OSBPL1A: variants seen among roughly 807,000 people sequenced by gnomAD.
The protein encoded by OSBPL1A is oxysterol-binding protein-related protein 1.
Under a neutral mutation model 137.1 loss-of-function variants are expected in OSBPL1A, and 80 were observed. The ratio of observed to expected loss-of-function variants is 0.58; its 90% CI spans 0.49 to 0.70. The LOEUF (loss-of-function observed/expected upper bound fraction) is 0.70. OSBPL1A is among the 30% of genes least tolerant of loss of function. OSBPL1A has a pLI of 0.00. For synonymous variants in OSBPL1A, 365 were observed against 389.7 expected (o/e 0.94, Z 0.75); for missense variants, 970 against 1,129.4 (o/e 0.86, Z 2.02).
At chr18:24,388,437 G>T (rs1276021362) in intron 1 of OSBPL1A, among the ~76,000 whole-genome samples, 1 of 151,878 alleles carries the variant, frequency 6.6e-6, no homozygotes, top group African/African-American at 2.4e-5. Context: ...CCTTACAAAA[G>T]GTACATCTAG....
chr18:24,215,675 A>T (rs1177233169), intron 17 of OSBPL1A, among the ~76,000 whole-genome samples: 1 of 152,208 alleles, frequency 6.6e-6, no homozygotes, highest in African/African-American at 2.4e-5. Flanking sequence ...ACAGCTCCAA[A>T]GGAAAACAGA....
intron 17 of OSBPL1A, among the ~76,000 whole-genome samples, chr18:24,217,928 A>ATTCC (rs1321899301): frequency 2.0e-5 from 3 of 151,860 alleles, no homozygotes; most frequent in African/African-American, 7.3e-5. Flanking sequence ...AACATGTGGA[A>ATTCC]TGATACCCCA....
chr18:24,260,660 CAG>C (rs2089422519), intron 15 of OSBPL1A, among the ~76,000 whole-genome samples: 1 of 151,970 alleles, frequency 6.6e-6, no homozygotes, highest in Non-Finnish European at 1.5e-5. Flanking sequence ...ACCAGAGAGA[CAG>C]GGAGTATTTA....
intron 21 of OSBPL1A, among the ~76,000 whole-genome samples, chr18:24,175,110 A>ATATATATATATATATG (rs2086398896): frequency 6.8e-5 from 1 of 14,802 alleles, no homozygotes; most frequent in African/African-American, 9.6e-5. Context: ...ATGTGTATGT[A>ATATATATATATATATG]TATATATATA....
intron 6 of OSBPL1A, among the ~76,000 whole-genome samples, chr18:24,333,890 T>A (rs2091127456): frequency 6.6e-6 from 1 of 152,200 alleles, no homozygotes. Context: ...TAGGGTCCTA[T>A]TTATTATGTT....
chr18:24,294,858 T>C (rs1285261518), intron 14 of OSBPL1A, among the ~76,000 whole-genome samples: 1 of 152,224 alleles, frequency 6.6e-6, no homozygotes, highest in East Asian at 1.9e-4. Context: ...CAATTGTGAA[T>C]TGTGCTGCTG....
At chr18:24,171,992 G>C (rs992218607) in intron 22 of OSBPL1A, among the ~76,000 whole-genome samples, 8 of 148,000 alleles carry the variant, frequency 5.4e-5, no homozygotes, top group African/African-American at 2.0e-4. Flanking sequence ...CCAGGCTAAA[G>C]TGCAGTGGCG....
intron 14 of OSBPL1A, among the ~76,000 whole-genome samples, chr18:24,296,418 T>A (rs1053130405): frequency 2.0e-5 from 3 of 152,164 alleles, no homozygotes; most frequent in African/African-American, 7.2e-5. Context: ...GTCTTTAGGA[T>A]TTTCTAGGTG....
intron 14 of OSBPL1A, among the ~76,000 whole-genome samples, chr18:24,290,483 C>G (rs1229179739): frequency 1.3e-5 from 2 of 152,078 alleles, no homozygotes; most frequent in African/African-American, 2.4e-5. Flanking sequence ...GAGTTCAAAA[C>G]CAGCCTGGGC....
chr18:24,332,726 C>A (rs2091104516), intron 7 of OSBPL1A, among the ~76,000 whole-genome samples: 1 of 152,140 alleles, frequency 6.6e-6, no homozygotes, highest in Non-Finnish European at 1.5e-5. Context: ...ACAGCTACTG[C>A]AAATAACAAG....
At chr18:24,331,382 T>A (rs531667753) in intron 7 of OSBPL1A, among the ~76,000 whole-genome samples, 1 of 149,970 alleles carries the variant, frequency 6.7e-6, no homozygotes, top group African/African-American at 2.4e-5. Flanking sequence ...GAAAAGGCCC[T>A]GATGGCATGT....
At chr18:24,284,626 T>C (rs540489893) in intron 14 of OSBPL1A, among the ~76,000 whole-genome samples, 1 of 39,196 alleles carries the variant, frequency 2.6e-5, no homozygotes, top group African/African-American at 4.5e-5. Context: ...GTTATCCTAG[T>C]GTAAAAAAAA....
intron 16 of OSBPL1A, among the ~76,000 whole-genome samples, chr18:24,231,242 A>G (rs115359033): frequency 0.013 from 1,999 of 152,322 alleles, 31 homozygotes; most frequent in African/African-American, 0.045. Context: ...AAAATCTCAC[A>G]AAGTTTGCTT....
At chr18:24,365,883 G>T (rs1396288115) in intron 4 of OSBPL1A, among the ~76,000 whole-genome samples, 1 of 152,172 alleles carries the variant, frequency 6.6e-6, no homozygotes, top group African/African-American at 2.4e-5. Flanking sequence ...GGTGGGGGCA[G>T]TTCTCCCCAC....
intron 4 of OSBPL1A, among the ~76,000 whole-genome samples, chr18:24,346,067 A>G (rs2146163661): frequency 6.6e-6 from 1 of 152,276 alleles, no homozygotes; most frequent in Admixed American, 6.5e-5. Context: ...TGAGCATGAT[A>G]CTTTTATTTT....
chr18:24,277,583 A>G (rs960173869), intron 15 of OSBPL1A, among the ~76,000 whole-genome samples: 53 of 152,364 alleles, frequency 3.5e-4, no homozygotes, highest in African/African-American at 1.2e-3. Context: ...TAGCAGAGCT[A>G]GGAATTAGAG....
intron 18 of OSBPL1A, among the ~76,000 whole-genome samples, chr18:24,185,165 G>C (rs1415073734): frequency 2.0e-5 from 3 of 152,078 alleles, no homozygotes; most frequent in Admixed American, 1.3e-4. Context: ...GGGGAGGAAT[G>C]AAAAGACAGA....
At chr18:24,243,650 C>T (rs556315437) in intron 15 of OSBPL1A, among the ~76,000 whole-genome samples, 5 of 152,188 alleles carry the variant, frequency 3.3e-5, no homozygotes, top group Non-Finnish European at 7.3e-5. Context: ...CACATCTGTT[C>T]TCACTTGTTC....
At chr18:24,296,613 C>T (rs1337310018) in intron 14 of OSBPL1A, among the ~76,000 whole-genome samples, 1 of 152,038 alleles carries the variant, frequency 6.6e-6, no homozygotes, top group Non-Finnish European at 1.5e-5. Flanking sequence ...CAATTTTTCC[C>T]TATTCAGTAT....
Sources: gnomAD v4.1 joint callset for allele counts (sites outside exome capture counted in the v4.1 genomes callset) on GRCh38, gnomAD v4.1.1 for gene constraint, MANE v1.5 for transcripts, NCBI Gene and HGNC (gene_info 2026-07-23, HGNC 2026-07-21) for gene names.